SLC35F3: variants seen among roughly 807,000 people sequenced by gnomAD.
The protein encoded by SLC35F3 is putative thiamine transporter SLC35F3.
Under a neutral mutation model 49.9 loss-of-function variants are expected in SLC35F3, and 25 were observed. The observed-to-expected ratio is 0.50, with a 90% CI of 0.37 to 0.70. SLC35F3 has a LOEUF of 0.70. SLC35F3 is among the 30% of genes least tolerant of loss of function. The pLI, the probability that SLC35F3 is intolerant of heterozygous loss-of-function variation, is 0.00. For missense variants in SLC35F3, 525 were observed against 639.8 expected (o/e 0.82, Z 1.94); for synonymous variants, 275 against 265.4 (o/e 1.04, Z -0.35).
At chr1:234,094,016 G>A (rs1276458901) in intron 2 of SLC35F3, among the ~76,000 whole-genome samples, 2 of 152,232 alleles carry the variant, frequency 1.3e-5, no homozygotes, top group Non-Finnish European at 2.9e-5. Context: ...CGGCCAGGAA[G>A]CAGAGGCCCT....
At chr1:234,197,504 CTCATAAAACATTTATTGGACCA>C (rs1486747865) in intron 2 of SLC35F3, among the ~76,000 whole-genome samples, 1 of 152,188 alleles carries the variant, frequency 6.6e-6, no homozygotes, top group African/African-American at 2.4e-5. Context: ...ATAGTGAGTG[CTCATAAAACATTTATTGGACCA>C]ATGAACAAAT....
intron 3 of SLC35F3, among the ~76,000 whole-genome samples, chr1:234,279,456 G>A (rs911031807): frequency 7.2e-5 from 11 of 152,204 alleles, no homozygotes; most frequent in Admixed American, 5.2e-4. Flanking sequence ...GGAAGACAGA[G>A]GGGAGACGAA....
At chr1:234,058,286 CACTT>C (rs1664484860) in intron 2 of SLC35F3, among the ~76,000 whole-genome samples, 2 of 135,928 alleles carry the variant, frequency 1.5e-5, no homozygotes, top group Non-Finnish European at 1.5e-5. Flanking sequence ...GTCTCAGTCT[CACTT>C]AGTTATGGTG....
intron 2 of SLC35F3, among the ~76,000 whole-genome samples, chr1:234,172,997 AC>A (rs745669574): frequency 2.6e-5 from 4 of 152,088 alleles, no homozygotes; most frequent in Non-Finnish European, 5.9e-5. Context: ...GCAAAATTGA[AC>A]CCAGGAAATT....
chr1:234,266,642 G>C (rs1667982816), intron 3 of SLC35F3, among the ~76,000 whole-genome samples: 1 of 152,204 alleles, frequency 6.6e-6, no homozygotes, highest in Non-Finnish European at 1.5e-5. Context: ...GGTATAGCCT[G>C]CTGCACACCT....
chr1:233,936,045 G>A (rs537360557), intron 2 of SLC35F3, among the ~76,000 whole-genome samples: 2 of 152,158 alleles, frequency 1.3e-5, no homozygotes, highest in African/African-American at 4.8e-5. Context: ...ATTTTCTCTT[G>A]GGTCTTTCTG....
chr1:234,171,451 A>G (rs1256284761), intron 2 of SLC35F3, among the ~76,000 whole-genome samples: 4 of 152,190 alleles, frequency 2.6e-5, no homozygotes, highest in African/African-American at 9.7e-5. Context: ...TAAATTTCTT[A>G]CACAGAGGGG....
intron 3 of SLC35F3, among the ~76,000 whole-genome samples, chr1:234,296,470 G>A (rs1365445062): frequency 1.3e-5 from 2 of 152,220 alleles, no homozygotes; most frequent in Admixed American, 1.3e-4. Context: ...AGGTTGGAAG[G>A]AAATGTGCAG....
intron 2 of SLC35F3, among the ~76,000 whole-genome samples, chr1:234,207,404 T>C (rs1459206927): frequency 3.8e-3 from 11 of 2,924 alleles, no homozygotes; most frequent in East Asian, 0.02. Flanking sequence ...CCTTCCTCCC[T>C]CCCTCCTTCC....
Position 234,309,963 on chromosome 1 carries a change from G to A in SLC35F3, c.828+643G>A, listed in dbSNP as rs190906423. Among the ~76,000 whole-genome samples, 365 of 152,208 alleles carry A rather than the reference G, an allele frequency of 2.4e-3. 2 individuals are homozygous for A. The highest frequency in any genetic ancestry group is 4.1e-3 in the Non-Finnish European group (277 of 68,006). Reference sequence around the variant, plus strand: ...AACCGAGACCCAGTCAATTACATTAGAAGCTAGTCAAAGTTAGCTCGTCGG... The same window carrying A: ...AACCGAGACCCAGTCAATTACATTAAAAGCTAGTCAAAGTTAGCTCGTCGG... On this transcript the variant is annotated intron_variant, in intron 4 of 7. Transcript: ENST00000366618.
chr1:234,070,685 T>C (rs1404014060), intron 2 of SLC35F3, among the ~76,000 whole-genome samples: 1 of 152,222 alleles, frequency 6.6e-6, no homozygotes, highest in Non-Finnish European at 1.5e-5. Context: ...ATAGAATTGT[T>C]CTAACAATTC....
intron 2 of SLC35F3, among the ~76,000 whole-genome samples, chr1:234,089,864 C>T (rs1290796470): frequency 6.6e-6 from 1 of 152,050 alleles, no homozygotes; most frequent in African/African-American, 2.4e-5. Context: ...GACAGGGATG[C>T]ACTGATGTAC....
rs533689064 is a variant in SLC35F3, at chr1:234,248,303, G to A, written c.608+16562G>A. ...GGTCCATTGTTTGGTGGGTTGGTTG[G>A]TTGGTCCATTGTTTGGTGGGTTGGT... On this transcript the variant is annotated intron_variant, in intron 3 of 7. Transcript: ENST00000366618. 6.1e-5 allele frequency among the ~76,000 whole-genome samples: 9 copies of A among 146,750 alleles called. No homozygotes were observed. In the East Asian group the frequency reaches 1.0e-3, roughly 17 times the overall value.
chr1:233,914,006 G>A (rs992886741), intron 2 of SLC35F3, among the ~76,000 whole-genome samples: 3 of 152,128 alleles, frequency 2.0e-5, no homozygotes, highest in South Asian at 2.1e-4. Context: ...GGAAGAACGT[G>A]ACATGTCTTC....
chr1:234,152,340 C>A (rs1255528283), intron 2 of SLC35F3, among the ~76,000 whole-genome samples: 3 of 151,704 alleles, frequency 2.0e-5, no homozygotes, highest in Non-Finnish European at 2.9e-5. Context: ...ACTCATTAAC[C>A]CGTCATCTAC....
At chr1:234,292,707 G>C (rs915648756) in intron 3 of SLC35F3, among the ~76,000 whole-genome samples, 13 of 152,162 alleles carry the variant, frequency 8.5e-5, no homozygotes. Flanking sequence ...CTTTGCTGCT[G>C]TTTAGAGTTG....
At chr1:233,960,270 C>G (rs12739472) in intron 2 of SLC35F3, among the ~76,000 whole-genome samples, 30,976 of 152,138 alleles carry the variant, frequency 0.2, 3,383 homozygotes, top group East Asian at 0.37. Context: ...GGAAGCAAGT[C>G]CCTCGTTTCC....
chr1:234,224,984 C>T (rs773170722), intron 2 of SLC35F3, among the ~76,000 whole-genome samples: 1 of 152,222 alleles, frequency 6.6e-6, no homozygotes, highest in Non-Finnish European at 1.5e-5. Context: ...TTCCCTGGAA[C>T]CTATGCTAGT....
chr1:234,321,628 A>G (rs1657621927), intron 7 of SLC35F3, among the ~76,000 whole-genome samples: 2 of 152,164 alleles, frequency 1.3e-5, no homozygotes, highest in African/African-American at 2.4e-5. Flanking sequence ...AGCGTATAAT[A>G]TGGCCAGGTG....
Sources: gnomAD v4.1 joint callset for allele counts (sites outside exome capture counted in the v4.1 genomes callset) on GRCh38, gnomAD v4.1.1 for gene constraint, MANE v1.5 for transcripts, NCBI Gene and HGNC (gene_info 2026-07-23, HGNC 2026-07-21) for gene names.